RHOBTB1: variants seen among roughly 807,000 people sequenced by gnomAD.
The protein encoded by RHOBTB1 is Rho related BTB domain containing 1, also known as rho-related BTB domain-containing protein 1.
In RHOBTB1, 40 loss-of-function variants were observed where a neutral mutation model predicts 71.6. The ratio of observed to expected loss-of-function variants is 0.56; its 90% CI spans 0.43 to 0.73. The LOEUF (loss-of-function observed/expected upper bound fraction) is 0.73. RHOBTB1 is among the 30% of genes least tolerant of loss of function. The pLI is 0.00. For synonymous variants in RHOBTB1, 319 were observed against 334.9 expected, an observed-to-expected ratio of 0.95 and a Z score of 0.52; for missense variants, 797 against 894.0, an observed-to-expected ratio of 0.89 and a Z score of 1.38.
At chr10:60,938,631 A>G (rs2084732002) in intron 2 of RHOBTB1, among the ~76,000 whole-genome samples, 1 of 152,206 alleles carries the variant, frequency 6.6e-6, no homozygotes, top group African/African-American at 2.4e-5. Flanking sequence ...TTAAATACAA[A>G]ATTTACAAAG....
chr10:60,930,706 G>T (rs534588266), intron 2 of RHOBTB1, among the ~76,000 whole-genome samples: 1 of 152,230 alleles, frequency 6.6e-6, no homozygotes, highest in Non-Finnish European at 1.5e-5. Flanking sequence ...TCCTAAAAAA[G>T]TCTCTTTGAA....
intron 5 of RHOBTB1, among the ~76,000 whole-genome samples, chr10:60,890,071 AG>A (rs1401807226): frequency 6.6e-6 from 1 of 152,214 alleles, no homozygotes; most frequent in Non-Finnish European, 1.5e-5. Context: ...GAAAGGTTAA[AG>A]GGTTTGTCTG....
In RHOBTB1 at chr10:60,886,132, C is replaced by A. The variant is rs777774851; in HGVS notation, c.1555G>T (p.Val519Leu). 1.2e-6 allele frequency: 2 copies of A among 1,614,072 alleles called. No individual in the cohort carries two copies. ...WMAAMFGGSF[V>L]ESANSEVYLP... is the part of the protein sequence containing the mutation. ...CGTACCTCACTGTTGGCACTTTCCACAAATGACCCCCCGAACATGGCTGCC... is the reference window on the plus strand; with the variant it reads ...CGTACCTCACTGTTGGCACTTTCCAAAAATGACCCCCCGAACATGGCTGCC... Residue 519 changes from valine to leucine, a missense_variant, in exon 7 of 11, where the codon GTG becomes TTG. By Grantham distance (32) the Val-to-Leu change is conservative. Around this residue, in one of 2 missense-constraint regions of RHOBTB1, gnomAD observed 658 missense variants for 681.5 expected, o/e 0.97. Transcript: ENST00000337910.
At chr10:60,980,805 T>C (rs2086470959) in intron 2 of RHOBTB1, among the ~76,000 whole-genome samples, 1 of 152,118 alleles carries the variant, frequency 6.6e-6, no homozygotes, top group Non-Finnish European at 1.5e-5. Context: ...CTTTCCCATC[T>C]CTCCTGAGCT....
At chr10:60,983,975 T>C (rs546503239) in intron 2 of RHOBTB1, among the ~76,000 whole-genome samples, 1 of 152,212 alleles carries the variant, frequency 6.6e-6, no homozygotes, top group Non-Finnish European at 1.5e-5. Flanking sequence ...ATCACTTACG[T>C]ACTTTAATTC....
intron 2 of RHOBTB1, among the ~76,000 whole-genome samples, chr10:60,965,964 G>T (rs1188214401): frequency 6.6e-6 from 1 of 152,062 alleles, no homozygotes; most frequent in Non-Finnish European, 1.5e-5. Flanking sequence ...TGGCCATGCA[G>T]AAATAACAGG....
chr10:60,930,209 G>A (rs1374538658), intron 2 of RHOBTB1, among the ~76,000 whole-genome samples: 1 of 152,126 alleles, frequency 6.6e-6, no homozygotes, highest in East Asian at 1.9e-4. Context: ...GACAAGTGAG[G>A]GAATGATTAA....
intron 2 of RHOBTB1, among the ~76,000 whole-genome samples, chr10:60,928,635 G>C (rs2084037571): frequency 6.6e-6 from 1 of 152,084 alleles, no homozygotes; most frequent in Non-Finnish European, 1.5e-5. Flanking sequence ...AAGGGTAGTG[G>C]AAAGGGGAGT....
At chr10:60,864,332 GTTA>G in the RHOBTB1 span, among the ~76,000 whole-genome samples, 1 of 152,132 alleles carries the variant, frequency 6.6e-6, no homozygotes, top group African/African-American at 2.4e-5. Context: ...ACTCAAAAAT[GTTA>G]TTATTATTAT....
intron 2 of RHOBTB1, among the ~76,000 whole-genome samples, chr10:60,955,032 T>C (rs926748968): frequency 1.5e-4 from 20 of 131,460 alleles, no homozygotes; most frequent in Admixed American, 4.1e-4. Context: ...AATCTTTTCT[T>C]TTCTTTCTTT....
chr10:60,863,389 T>C, the RHOBTB1 span, among the ~76,000 whole-genome samples: 1 of 152,146 alleles, frequency 6.6e-6, no homozygotes, highest in Non-Finnish European at 1.5e-5. Context: ...GAGGATGCAA[T>C]TTTTTTCATC....
chr10:60,966,697 T>C (rs1420093000), intron 2 of RHOBTB1, among the ~76,000 whole-genome samples: 1 of 152,058 alleles, frequency 6.6e-6, no homozygotes, highest in Non-Finnish European at 1.5e-5. Context: ...TCTTTATTTT[T>C]TTTACTATAC....
rs542789843 is a variant in RHOBTB1 at position 60,969,311 on chromosome 10, G to A, written c.-62+16534C>T. ...GAATTTCAGGTGTCACTCTGATATAGCAGCCACAAAAGCAACTTTGGTGTT... is the reference window on the plus strand; with the variant it reads ...GAATTTCAGGTGTCACTCTGATATAACAGCCACAAAAGCAACTTTGGTGTT... On this transcript the variant is annotated intron_variant, in intron 2 of 11. Coordinates refer to the RHOBTB1 transcript ENST00000357917. Among the ~76,000 whole-genome samples the A allele has an allele frequency of 4.2e-3, 645 of 152,246 alleles. 1 individual carries two copies. The highest frequency in any genetic ancestry group is 7.1e-3 in the Non-Finnish European group (482 of 68,018).
chr10:60,953,962 G>T (rs1291821305), intron 2 of RHOBTB1, among the ~76,000 whole-genome samples: 1 of 117,034 alleles, frequency 8.5e-6, no homozygotes, highest in Non-Finnish European at 1.9e-5. Context: ...GTAATTTTAA[G>T]CTTTAAATTT....
At chr10:60,955,045 T>TTTC (rs1234304750) in intron 2 of RHOBTB1, among the ~76,000 whole-genome samples, 1 of 136,604 alleles carries the variant, frequency 7.3e-6, no homozygotes, top group African/African-American at 2.9e-5. Flanking sequence ...CTTTCTTTCT[T>TTTC]TTTTTTTTTT....
chr10:60,906,461 T>C (rs1564899283), intron 4 of RHOBTB1, among the ~76,000 whole-genome samples: 1 of 152,206 alleles, frequency 6.6e-6, no homozygotes, highest in African/African-American at 2.4e-5. Context: ...TCAAGTAATT[T>C]TGTCATCCAT....
intron 6 of RHOBTB1, among the ~76,000 whole-genome samples, chr10:60,886,879 C>T (rs1307465074): frequency 6.9e-6 from 1 of 143,898 alleles, no homozygotes; most frequent in Non-Finnish European, 1.5e-5. Context: ...TGTGTATAGA[C>T]TTTTTTTTTT....
rs1404174046 is a variant in RHOBTB1 at position 60,871,562 on chromosome 10, C to T, written c.2011G>A (p.Glu671Lys). ...DHYQRVKRER[E>K]KEDIALNKHR... ...TTATTTAGTGCAATATCTTCCTTCT[C>T]TCGTTCCCTTTTCACACGCTGGTAG... The change falls in exon 11 of 11, where the codon GAG becomes AAG. Residue 671 changes from glutamate (E) to lysine (K), a missense_variant. Physicochemically the swap from Glu to Lys is moderately conservative, Grantham distance 56. Transcript: ENST00000337910. 1 of 1,614,012 alleles carries T rather than the reference C, an allele frequency of 6.2e-7. No homozygotes were observed. Among genetic ancestry groups the T allele is most frequent in the Admixed American group, 1.7e-5 (1 of 59,998 alleles).
chr10:60,891,769 T>C (rs560248845), intron 5 of RHOBTB1, among the ~76,000 whole-genome samples: 5 of 152,274 alleles, frequency 3.3e-5, no homozygotes, highest in African/African-American at 7.2e-5. Flanking sequence ...ACTGACATTT[T>C]AAAAGAAACG....
Sources: gnomAD v4.1 joint callset for allele counts (sites outside exome capture counted in the v4.1 genomes callset) on GRCh38, gnomAD v4.1.1 for gene constraint, gnomAD v4.1.1 regional missense constraint, MANE v1.5 for transcripts, NCBI Gene and HGNC (gene_info 2026-07-23, HGNC 2026-07-21) for gene names.